Variants in PTPRD observed in about 807,000 individuals in gnomAD.
The protein encoded by PTPRD is protein tyrosine phosphatase receptor type D, also known as receptor-type tyrosine-protein phosphatase delta.
A neutral mutation model predicts 214.5 loss-of-function variants in PTPRD; 34 were observed. That is an observed-to-expected ratio of 0.16 (90% CI 0.12 to 0.21). The LOEUF (loss-of-function observed/expected upper bound fraction) is 0.21. PTPRD is among the 10% of genes least tolerant of loss of function. PTPRD has a pLI of 1.00. For missense variants in PTPRD, 2,545 were observed against 2,398.7 expected (o/e 1.06, Z -1.27); for synonymous variants, 1,128 against 845.7 (o/e 1.33, Z -5.79).
intron 9 of PTPRD, among the ~76,000 whole-genome samples, chr9:9,262,355 A>G (rs1435494219): frequency 1.3e-5 from 2 of 150,942 alleles, no homozygotes; most frequent in Non-Finnish European, 3.0e-5. Flanking sequence ...TTCAATATAT[A>G]ATCAATATAA....
intron 7 of PTPRD, among the ~76,000 whole-genome samples, chr9:9,633,331 G>A (rs2095653198): frequency 6.6e-6 from 1 of 151,754 alleles, no homozygotes; most frequent in Non-Finnish European, 1.5e-5. Context: ...GAAAAGTTAT[G>A]GTCAGTGGGT....
At chr9:9,445,095 C>G (rs547515663) in intron 8 of PTPRD, among the ~76,000 whole-genome samples, 2 of 152,062 alleles carry the variant, frequency 1.3e-5, no homozygotes, top group African/African-American at 4.8e-5. Flanking sequence ...GATTTTTGCA[C>G]TTGGTAATAT....
intron 12 of PTPRD, among the ~76,000 whole-genome samples, chr9:8,668,560 G>T (rs934918341): frequency 3.9e-5 from 6 of 152,086 alleles, no homozygotes; most frequent in African/African-American, 1.2e-4. Context: ...AATACTAAGA[G>T]ACTGCATCAA....
At position 8,462,465 on chromosome 9, in the gene PTPRD, C is replaced by G. The variant is rs187757891; in HGVS notation, c.3715-1894G>C. ...GCAACTATAAAGCCTTCAAGAGGCT[C>G]TCTCTTGATTCCCAAATAAAACGTA... On this transcript the variant is annotated intron_variant, in intron 32 of 45. Transcript: ENST00000381196. 1.8e-3 allele frequency among the ~76,000 whole-genome samples: 274 copies of G among 152,138 alleles called. 2 individuals are homozygous for G. Among genetic ancestry groups the G allele is most frequent in the African/African-American group, 6.1e-3 (255 of 41,530 alleles).
intron 2 of PTPRD, 123 bp downstream of exon 2, chr9:10,612,275 A>G (rs1450245186): frequency 6.6e-6 from 1 of 151,906 alleles, no homozygotes; most frequent in African/African-American, 2.4e-5. Flanking sequence ...CTGAAGTTAT[A>G]TAAGTCAAGT....
At position 9,403,297 on chromosome 9, in the gene PTPRD, A is replaced by AAAAC. The variant is rs1569568027; in HGVS notation, c.-236-5816_-236-5815insGTTT. Among the ~76,000 whole-genome samples the AAAAC allele has an allele frequency of 6.0e-5, 9 of 149,616 alleles. No individual in the cohort carries two copies. In the East Asian group the frequency reaches 1.6e-3, roughly 27 times the overall value. On this transcript the variant is annotated intron_variant, in intron 8 of 45. Coordinates refer to ENST00000381196, the MANE Select transcript of PTPRD (RefSeq NM_002839.4). ...CAGAGGAATACTCTGTCTCAAAAAAAAAAAAAAAAAAAAACCAAAACAAAA... is the reference window on the plus strand; with the variant it reads ...CAGAGGAATACTCTGTCTCAAAAAAAAAACAAAAAAAAAAAAAACCAAAACAAAA...
intron 2 of PTPRD, among the ~76,000 whole-genome samples, chr9:10,410,270 T>TATACAC (rs532202941): frequency 2.9e-5 from 4 of 139,844 alleles, no homozygotes; most frequent in African/African-American, 1.0e-4. Flanking sequence ...TATATATATA[T>TATACAC]ACACACACAC....
intron 2 of PTPRD, among the ~76,000 whole-genome samples, chr9:10,464,299 C>T (rs1028504709): frequency 6.6e-5 from 10 of 151,844 alleles, no homozygotes; most frequent in African/African-American, 1.7e-4. Context: ...TAGAATTGCT[C>T]GAACCCGGAG....
In PTPRD at chr9:9,862,647, CTTG is replaced by C. The variant is rs557744771; in HGVS notation, c.-368+75857_-368+75859del. Among the ~76,000 whole-genome samples the C allele has an allele frequency of 2.1e-3, 264 of 126,012 alleles. 1 individual carries two copies. The highest frequency in any genetic ancestry group is 7.4e-3 in the African/African-American group (245 of 33,318). 82.7% of individuals were successfully genotyped at this position (126,012 alleles called of 152,430 possible). A position where few individuals can be genotyped will look rare whatever the true frequency, so the allele number is the denominator to read the frequency against. ...GAGAAATGATTTGTATGTAGAAATACTTGTTGTGGTGTGTTGAGCTGAGCTCCC... is the reference window on the plus strand; with the variant it reads ...GAGAAATGATTTGTATGTAGAAATACTTGTGGTGTGTTGAGCTGAGCTCCC... On this transcript the variant is annotated intron_variant, in intron 5 of 45. Transcript: ENST00000381196.
intron 9 of PTPRD, among the ~76,000 whole-genome samples, chr9:9,356,577 C>T (rs1172918978): frequency 1.3e-5 from 2 of 151,216 alleles, no homozygotes; most frequent in South Asian, 4.2e-4. Context: ...ATTTCAATCA[C>T]GTTTGAAGAA....
At chr9:8,559,267 G>C (rs1323582) in intron 14 of PTPRD, among the ~76,000 whole-genome samples, 28,309 of 152,062 alleles carry the variant, frequency 0.19, 2,896 homozygotes, top group African/African-American at 0.28. Context: ...AACTATAATG[G>C]TCCCAACACA....
At chr9:10,282,433 C>T (rs1246205893) in intron 3 of PTPRD, among the ~76,000 whole-genome samples, 2 of 152,146 alleles carry the variant, frequency 1.3e-5, no homozygotes, top group East Asian at 1.9e-4. Context: ...GATAAGCCTT[C>T]AGTCTTCTAA....
At chr9:10,511,118 A>C (rs2047872344) in intron 2 of PTPRD, among the ~76,000 whole-genome samples, 1 of 152,202 alleles carries the variant, frequency 6.6e-6, no homozygotes, top group African/African-American at 2.4e-5. Flanking sequence ...ATTGAGAATA[A>C]TTCCAGTGTA....
intron 7 of PTPRD, among the ~76,000 whole-genome samples, chr9:9,717,334 G>T (rs1029448367): frequency 5.3e-5 from 8 of 152,132 alleles, no homozygotes; most frequent in African/African-American, 1.9e-4. Context: ...GGTAATGCGG[G>T]CTCTTTTTTG....
At chr9:10,085,213 A>G (rs2098313811) in intron 3 of PTPRD, among the ~76,000 whole-genome samples, 1 of 151,904 alleles carries the variant, frequency 6.6e-6, no homozygotes, top group African/African-American at 2.4e-5. Flanking sequence ...ATAAATAAGT[A>G]TATACCAATT....
chr9:9,346,299 A>G (rs1419510319), intron 9 of PTPRD, among the ~76,000 whole-genome samples: 1 of 152,190 alleles, frequency 6.6e-6, no homozygotes, highest in Non-Finnish European at 1.5e-5. Context: ...TTTACAATCA[A>G]TTAGAAATAT....
intron 10 of PTPRD, among the ~76,000 whole-genome samples, chr9:9,066,327 CAT>C (rs1184730090): frequency 6.6e-6 from 1 of 151,900 alleles, no homozygotes; most frequent in Non-Finnish European, 1.5e-5. Flanking sequence ...TTTTAAAAAA[CAT>C]ATTTAACCTC....
chr9:9,420,629 G>A (rs1249811591), intron 8 of PTPRD, among the ~76,000 whole-genome samples: 2 of 151,856 alleles, frequency 1.3e-5, no homozygotes, highest in Non-Finnish European at 2.9e-5. Flanking sequence ...AAGCTTCTTT[G>A]TATTAGTGAA....
rs928344819 is a variant in PTPRD, at chr9:10,343,696, G to A, written c.-599-2679C>T. Among the ~76,000 whole-genome samples, 5 of 152,114 alleles carry A rather than the reference G, an allele frequency of 3.3e-5. No homozygotes were observed. The East Asian group carries it at 9.6e-4, about 29-fold the overall frequency. ...AACTGGAGTAAGATGTTATCTCACTGTGGTTTTCATTTGCATTTCTCTGAT... is the reference window on the plus strand; with the variant it reads ...AACTGGAGTAAGATGTTATCTCACTATGGTTTTCATTTGCATTTCTCTGAT... On this transcript the variant is annotated intron_variant, in intron 2 of 45. Coordinates refer to ENST00000381196, the MANE Select transcript of PTPRD (RefSeq NM_002839.4).
Sources: allele counts gnomAD v4.1 joint callset (sites outside exome capture counted in the v4.1 genomes callset), GRCh38; gene constraint gnomAD v4.1.1; transcripts MANE v1.5; gene names NCBI Gene and HGNC (gene_info 2026-07-23, HGNC 2026-07-21).